MRPS6: variants seen among roughly 807,000 people sequenced by gnomAD.
MRPS6 encodes small ribosomal subunit protein bS6m.
Under a neutral mutation model 13.1 loss-of-function variants are expected in MRPS6, and 6 were observed. The observed-to-expected ratio is 0.46, with a 90% CI of 0.25 to 0.91. The LOEUF is 0.91. MRPS6 is among the 40% of genes least tolerant of loss of function. The pLI is 0.18. For missense variants in MRPS6, 164 were observed against 155.6 expected, an observed-to-expected ratio of 1.05 and a Z score of -0.29; for synonymous variants, 61 against 56.5, an observed-to-expected ratio of 1.08 and a Z score of -0.36.
At position 34,096,820 on chromosome 21, in the gene MRPS6, T is replaced by A. The variant is rs771521450; in HGVS notation, c.45+23075T>A. On this transcript the variant is annotated intron_variant, in intron 1 of 2. Transcript: ENST00000399312. The surrounding 1 kb of genome is among the most constrained non-coding windows in gnomAD (Gnocchi z 5.9). ...ACACCACCTCCCACAAAGGAACAGA[T>A]TCGAACCACCACCTTTTGGTCTAAG... is the stretch of plus-strand genomic sequence containing the variant. The A allele has an allele frequency of 1.2e-6, 2 of 1,613,976 alleles. No individual in the cohort carries two copies. Among genetic ancestry groups the A allele is most frequent in the Non-Finnish European group, 8.5e-7 (1 of 1,179,970 alleles).
At chr21:34,116,342 T>C (rs1569422082) in intron 1 of MRPS6, among the ~76,000 whole-genome samples, 1 of 150,780 alleles carries the variant, frequency 6.6e-6, no homozygotes, top group Non-Finnish European at 1.5e-5. Flanking sequence ...TTTTAATTTC[T>C]ATAGGTGTTT....
At chr21:34,106,231 G>T (rs977133083) in intron 1 of MRPS6, 4 of 934,086 alleles carry the variant, frequency 4.3e-6, no homozygotes, top group Non-Finnish European at 3.9e-6. Flanking sequence ...TAGCAATTCT[G>T]TACCAACTTT....
intron 1 of MRPS6, chr21:34,106,218 T>C: frequency 1.0e-6 from 1 of 963,542 alleles, no homozygotes; most frequent in South Asian, 4.9e-5. Context: ...TTTATGGAAA[T>C]GTTAGCAATT....
intron 1 of MRPS6, among the ~76,000 whole-genome samples, chr21:34,084,414 G>A (rs1271527808): frequency 6.6e-6 from 1 of 152,142 alleles, no homozygotes; most frequent in Middle Eastern, 3.2e-3. Flanking sequence ...ACACAAAGTT[G>A]ACCTGGTAGG....
chr21:34,090,667 G>A (rs931595355), intron 1 of MRPS6, among the ~76,000 whole-genome samples: 2 of 152,140 alleles, frequency 1.3e-5, no homozygotes, highest in Non-Finnish European at 2.9e-5. Flanking sequence ...GACATTTACT[G>A]AGCCACCTCC....
At chr21:34,100,989 A>G (rs1979212251) in intron 1 of MRPS6, 1 of 1,000,170 alleles carries the variant, frequency 1.0e-6, no homozygotes, top group Non-Finnish European at 1.2e-6. Flanking sequence ...CAGAGGCATG[A>G]TGACTGGAAA....
At position 34,073,600 on chromosome 21, in the gene MRPS6, C is replaced by G. The variant is rs951654758; in HGVS notation, c.-101C>G. 20 of 1,053,924 alleles carry G rather than the reference C, an allele frequency of 1.9e-5. No homozygotes were observed. The highest frequency in any genetic ancestry group is 4.7e-5 in the Admixed American group (2 of 42,390). 65.3% of individuals were successfully genotyped at this position (1,053,924 alleles called of 1,614,324 possible). A position where few individuals can be genotyped will look rare whatever the true frequency, so the allele number is the denominator to read the frequency against. On this transcript the variant is annotated 5_prime_UTR_variant, in exon 1 of 3. Coordinates refer to ENST00000399312, the MANE Select transcript of MRPS6 (RefSeq NM_032476.4). ...CGTGCTTTCGCCGCCTGGGAGCCGT[C>G]CGGCGCAGCAGTTTCTAGGTCCCCA...
intron 1 of MRPS6, among the ~76,000 whole-genome samples, chr21:34,117,970 A>G (rs1441462050): frequency 6.6e-6 from 1 of 152,170 alleles, no homozygotes; most frequent in Non-Finnish European, 1.5e-5. Context: ...AATTCTTAAG[A>G]TTCTACACTA....
intron 1 of MRPS6, chr21:34,102,164 C>T: frequency 1.0e-6 from 1 of 999,982 alleles, no homozygotes. Context: ...TGTTGGAATA[C>T]TTTAGCTGTT....
At chr21:34,131,093 T>C (rs1331450156) in intron 2 of MRPS6, among the ~76,000 whole-genome samples, 1 of 152,184 alleles carries the variant, frequency 6.6e-6, no homozygotes, top group Non-Finnish European at 1.5e-5. Flanking sequence ...CAAAATGAGC[T>C]GTGTACTTAT....
In MRPS6 at chr21:34,101,410, G is replaced by C. The variant is rs955278330; in HGVS notation, c.46-23931G>C. The C allele has an allele frequency of 3.0e-6, 3 of 1,000,028 alleles. No homozygotes were observed. In the African/African-American group the frequency reaches 5.2e-5, roughly 17 times the overall value. The allele number at this position is 1,000,028 out of a possible 1,614,324, so 61.9% of individuals were successfully genotyped here. A position where few individuals can be genotyped will look rare whatever the true frequency, so the allele number is the denominator to read the frequency against. On this transcript the variant is annotated intron_variant, in intron 1 of 2. Coordinates refer to ENST00000399312, the MANE Select transcript of MRPS6 (RefSeq NM_032476.4). ...ATAATTTAGTAGAAAAATGCTTTGA[G>C]GCTTCAGTATTTGTAAGATTTTGCA...
chr21:34,088,365 A>G (rs1164581277), intron 1 of MRPS6, among the ~76,000 whole-genome samples: 2 of 143,086 alleles, frequency 1.4e-5, no homozygotes, highest in Admixed American at 7.2e-5. Flanking sequence ...CAGCTGACCC[A>G]TCAGGGCTTT....
intron 1 of MRPS6, chr21:34,102,253 C>G: frequency 2.0e-6 from 2 of 999,858 alleles, no homozygotes; most frequent in Non-Finnish European, 2.4e-6. Flanking sequence ...GAGTCCCACA[C>G]CATTATTCAC....
intron 2 of MRPS6, among the ~76,000 whole-genome samples, chr21:34,129,640 C>T (rs1980431014): frequency 6.6e-6 from 1 of 152,170 alleles, no homozygotes; most frequent in Admixed American, 6.5e-5. Context: ...TACTGACTCG[C>T]TTCCCAAATG....
rs1234891295 is a variant in MRPS6 at position 34,125,481 on chromosome 21, G to A, written c.185+1G>A. Reference sequence around the variant, plus strand: ...ACAGTCAGCAGCACAACAGAGGCGGGTAAGTTTCTTCATGAAGTCTTGAAA... The same window carrying A: ...ACAGTCAGCAGCACAACAGAGGCGGATAAGTTTCTTCATGAAGTCTTGAAA... On this transcript the variant is annotated splice_donor_variant, in intron 2 of 2. Coordinates refer to ENST00000399312, the MANE Select transcript of MRPS6 (RefSeq NM_032476.4). LOFTEE classifies it high-confidence loss of function. 2 of 1,612,936 alleles carry A rather than the reference G, an allele frequency of 1.2e-6. No homozygotes were observed. Among genetic ancestry groups the A allele is most frequent in the East Asian group, 2.2e-5 (1 of 44,872 alleles).
At chr21:34,092,415 C>A (rs542513214) in intron 1 of MRPS6, among the ~76,000 whole-genome samples, 1 of 152,230 alleles carries the variant, frequency 6.6e-6, no homozygotes, top group Admixed American at 6.5e-5. Flanking sequence ...GGGAACTGTC[C>A]GCAGTGGCTT....
chr21:34,142,438 C>G lies in MRPS6; in HGVS notation c.216C>G (p.Thr72=), dbSNP rs75039931. ...TCTTGGTGGATTTTTATGCACCCAC[C>G]GCAGCTGTTGAAAGCATGGTGGAGC... ...GYFLVDFYAP[T]AAVESMVEHL... The change falls in exon 3 of 3, where the codon ACC becomes ACG. Residue 72 remains threonine, a synonymous_variant. Coordinates refer to ENST00000399312, the MANE Select transcript of MRPS6 (RefSeq NM_032476.4). The G allele has an allele frequency of 4.4e-6, 7 of 1,588,810 alleles. No individual in the cohort carries two copies. The African/African-American group carries it at 9.5e-5, about 22-fold the overall frequency.
At position 34,142,399 on chromosome 21, in the gene MRPS6, T is replaced by G; in HGVS notation, c.186-9T>G. On this transcript the variant is annotated splice_polypyrimidine_tract_variant and intron_variant, in intron 2 of 2. Coordinates refer to ENST00000399312, the MANE Select transcript of MRPS6 (RefSeq NM_032476.4). ...ATGCAGACACTCACAAGTTTTTATT[T>G]TATTGCAGGTATTTCTTGGTGGATT... 6.4e-7 allele frequency: 1 copy of G among 1,556,100 alleles called. No individual in the cohort carries two copies. The highest frequency in any genetic ancestry group is 1.2e-5 in the South Asian group (1 of 81,598).
chr21:34,096,474 G>A lies in MRPS6; in HGVS notation c.45+22729G>A. 1 of 1,614,184 alleles carries A rather than the reference G, an allele frequency of 6.2e-7. No individual in the cohort carries two copies. Among genetic ancestry groups the A allele is most frequent in the Non-Finnish European group, 8.5e-7 (1 of 1,180,020 alleles). On this transcript the variant is annotated intron_variant, in intron 1 of 2. Transcript: ENST00000399312. The surrounding 1 kb of genome is among the most constrained non-coding windows in gnomAD (Gnocchi z 5.9). ...TATGGTGGTGATCAGCATAGCATGG[G>A]TGCCAATCATCGTGGAGATGCAAGG...
Sources: allele counts gnomAD v4.1 joint callset (sites outside exome capture counted in the v4.1 genomes callset), GRCh38; gene constraint gnomAD v4.1.1; non-coding constraint Gnocchi (gnomAD v3.1); transcripts MANE v1.5; gene names NCBI Gene and HGNC (gene_info 2026-07-23, HGNC 2026-07-21).